EML4: variants seen among roughly 807,000 people sequenced by gnomAD.
EML4 encodes echinoderm microtubule-associated protein-like 4.
In EML4, 72 loss-of-function variants were observed where a neutral mutation model predicts 129.0. That is an observed-to-expected ratio of 0.56 (90% CI 0.46 to 0.68). The LOEUF is 0.68. Among genes scored for constraint, EML4 ranks in the 30% least tolerant of loss-of-function variants. The probability of loss-of-function intolerance (pLI) is 0.00; values close to 1 mark genes in which losing one functional copy is unlikely to be tolerated. For synonymous variants in EML4, 532 were observed against 405.0 expected, an observed-to-expected ratio of 1.31 and a Z score of -3.77; for missense variants, 1,363 against 1,190.6, an observed-to-expected ratio of 1.14 and a Z score of -2.13.
chr2:42,230,659 G>C (rs540638321), intron 1 of EML4, among the ~76,000 whole-genome samples: 4 of 152,298 alleles, frequency 2.6e-5, no homozygotes, highest in East Asian at 1.9e-4. Flanking sequence ...CTCCACCTCA[G>C]CCTCCGAAAG....
intron 1 of EML4, among the ~76,000 whole-genome samples, chr2:42,210,768 T>C (rs902684332): frequency 2.0e-5 from 3 of 152,186 alleles, no homozygotes; most frequent in Non-Finnish European, 4.4e-5. Flanking sequence ...GGCTCCTATG[T>C]TCCTTTGACA....
In EML4 at chr2:42,225,934, A is replaced by G. The variant is rs1388175324; in HGVS notation, c.26-19571A>G. ...TAGTTCCTGGCAAATTAGTCACTCA[A>G]TAAATGTAAAATGTATAAATATTTT... On this transcript the variant is annotated intron_variant, in intron 1 of 22. Coordinates refer to ENST00000318522, the MANE Select transcript of EML4 (RefSeq NM_019063.5). Among the ~76,000 whole-genome samples the G allele has an allele frequency of 2.0e-5, 3 of 152,182 alleles. 1 individual carries two copies. The highest frequency in any genetic ancestry group is 4.4e-5 in the Non-Finnish European group (3 of 68,018).
At chr2:42,286,237 T>C in intron 9 of EML4, 32 bp from the exon 10 acceptor site, 1 of 1,234,248 alleles carries the variant, frequency 8.1e-7, no homozygotes, top group Non-Finnish European at 1.2e-6. Flanking sequence ...CATCCACCTG[T>C]CCAGTTGCTC....
chr2:42,256,351 A>AT, intron 2 of EML4, 150 bp from the exon 3 acceptor site: 1 of 666,882 alleles, frequency 1.5e-6, no homozygotes, highest in Non-Finnish European at 2.5e-6. Flanking sequence ...GCTGCATACC[A>AT]TGGGGGCATT....
At chr2:42,236,492 G>T (rs1232878369) in intron 1 of EML4, among the ~76,000 whole-genome samples, 1 of 152,200 alleles carries the variant, frequency 6.6e-6, no homozygotes, top group Non-Finnish European at 1.5e-5. Flanking sequence ...TTTATTAAAT[G>T]AAGTTTTATT....
intron 1 of EML4, among the ~76,000 whole-genome samples, chr2:42,187,892 A>G (rs936236677): frequency 1.3e-5 from 2 of 152,070 alleles, no homozygotes; most frequent in Admixed American, 6.5e-5. Flanking sequence ...TGTAGTTTAT[A>G]CTTTTTGTGT....
At position 42,295,226 on chromosome 2, in the gene EML4, C is replaced by G; in HGVS notation, c.1320C>G (p.Gly440=). 2 of 1,613,750 alleles carry G rather than the reference C, an allele frequency of 1.2e-6. No homozygotes were observed. The highest frequency in any genetic ancestry group is 1.7e-6 in the Non-Finnish European group (2 of 1,179,920). The part of the protein sequence containing the change: ...KSHIFFWTWS[G]NSLTRKQGIF... ...ATATTTTCTTCTGGACCTGGAGCGG[C>G]AATTCACTAACAAGAAAACAGGGAA... The change falls in exon 12 of 23, where the codon GGC becomes GGG. Residue 440 remains glycine (G), a synonymous_variant. Coordinates refer to ENST00000318522, the MANE Select transcript of EML4 (RefSeq NM_019063.5).
At chr2:42,211,623 A>C (rs757478503) in intron 1 of EML4, among the ~76,000 whole-genome samples, 6 of 152,214 alleles carry the variant, frequency 3.9e-5, no homozygotes, top group Non-Finnish European at 8.8e-5. Flanking sequence ...AAATGTCGTT[A>C]GAGAGGTTGA....
At chr2:42,277,348 T>G (rs1289889864) in intron 6 of EML4, among the ~76,000 whole-genome samples, 1 of 152,186 alleles carries the variant, frequency 6.6e-6, no homozygotes, top group East Asian at 1.9e-4. Context: ...AAGTAGGGAA[T>G]ATTTACAGCT....
chr2:42,237,574 T>C (rs1181762130), intron 1 of EML4, among the ~76,000 whole-genome samples: 1 of 152,148 alleles, frequency 6.6e-6, no homozygotes. Flanking sequence ...CCTCTCCCGC[T>C]CAGTCAAAAA....
intron 1 of EML4, among the ~76,000 whole-genome samples, chr2:42,240,057 T>C (rs577227781): frequency 6.6e-6 from 1 of 152,198 alleles, no homozygotes; most frequent in Non-Finnish European, 1.5e-5. Context: ...TTAGTTTACT[T>C]ATTTATAAAA....
At chr2:42,264,605 T>G (rs1157457335) in intron 5 of EML4, 101 bp from the exon 6 acceptor site, 1 of 729,262 alleles carries the variant, frequency 1.4e-6, no homozygotes. Context: ...TTATCTAGAT[T>G]ATAGCCTAAG....
At chr2:42,270,672 T>A (rs1666313831) in intron 6 of EML4, among the ~76,000 whole-genome samples, 1 of 152,172 alleles carries the variant, frequency 6.6e-6, no homozygotes, top group Non-Finnish European at 1.5e-5. Context: ...ATTGAGAGGG[T>A]GTATATTGTC....
At chr2:42,191,917 G>A (rs917493597) in intron 1 of EML4, among the ~76,000 whole-genome samples, 5 of 152,060 alleles carry the variant, frequency 3.3e-5, no homozygotes, top group African/African-American at 1.2e-4. Flanking sequence ...GCTGAGGTAG[G>A]TCATTTGAGG....
chr2:42,285,180 T>C (rs2103627011), intron 9 of EML4, among the ~76,000 whole-genome samples: 1 of 152,284 alleles, frequency 6.6e-6, no homozygotes, highest in Non-Finnish European at 1.5e-5. Context: ...AGTGAGTAGC[T>C]GGACTACAGG....
chr2:42,192,599 C>T (rs1245377302), intron 1 of EML4, among the ~76,000 whole-genome samples: 6 of 152,048 alleles, frequency 3.9e-5, no homozygotes, highest in African/African-American at 1.4e-4. Flanking sequence ...ATACTAGAGT[C>T]CTTTTATGAA....
intron 1 of EML4, among the ~76,000 whole-genome samples, chr2:42,214,283 T>A (rs1214791811): frequency 6.6e-6 from 1 of 152,160 alleles, no homozygotes; most frequent in Non-Finnish European, 1.5e-5. Context: ...GTATAAAAAA[T>A]TAATGGTTTT....
At chr2:42,295,057 TAATTG>T in intron 11 of EML4, 63 bp from the exon 12 acceptor site, 9 of 1,368,672 alleles carry the variant, frequency 6.6e-6, no homozygotes, top group Non-Finnish European at 8.9e-6. Flanking sequence ...TAAGTAGCAG[TAATTG>T]AATTGATACT....
Position 42,330,256 on chromosome 2 carries a change from T to A in EML4, c.*49T>A. 4.5e-6 allele frequency: 7 copies of A among 1,553,558 alleles called. No individual in the cohort carries two copies. The highest frequency in any genetic ancestry group is 6.2e-6 in the Non-Finnish European group (7 of 1,128,474). The stretch of plus-strand genomic sequence containing the variant: ...TTTCCTTCAGCTGCATGTGATTTTG[T>A]GATAAAGTTCAGGTAACAGGATGGG... On this transcript the variant is annotated 3_prime_UTR_variant, in exon 23 of 23. Coordinates refer to ENST00000318522, the MANE Select transcript of EML4 (RefSeq NM_019063.5).
Sources: allele counts gnomAD v4.1 joint callset (sites outside exome capture counted in the v4.1 genomes callset), GRCh38; gene constraint gnomAD v4.1.1; transcripts MANE v1.5; gene names NCBI Gene and HGNC (gene_info 2026-07-23, HGNC 2026-07-21).